APMAP: variants seen among roughly 807,000 people sequenced by gnomAD.
APMAP encodes adipocyte plasma membrane-associated protein.
A neutral mutation model predicts 43.6 loss-of-function variants in APMAP; 33 were observed. The ratio of observed to expected loss-of-function variants is 0.76; its 90% CI spans 0.57 to 1.01. The LOEUF (loss-of-function observed/expected upper bound fraction) is 1.01. APMAP is among the 50% of genes least tolerant of loss of function. The pLI, the probability that APMAP is intolerant of heterozygous loss-of-function variation, is 0.00. For missense variants in APMAP, 498 were observed against 540.7 expected, an observed-to-expected ratio of 0.92 and a Z score of 0.78; for synonymous variants, 224 against 216.7, an observed-to-expected ratio of 1.03 and a Z score of -0.30.
At chr20:24,964,910 C>T (rs1408688983) in intron 8 of APMAP, among the ~76,000 whole-genome samples, 1 of 152,170 alleles carries the variant, frequency 6.6e-6, no homozygotes, top group African/African-American at 2.4e-5. Flanking sequence ...AACTGCATTA[C>T]AGCTCAAAAA....
chr20:24,970,975 C>T (rs1477347794), intron 5 of APMAP, among the ~76,000 whole-genome samples: 1 of 152,158 alleles, frequency 6.6e-6, no homozygotes, highest in Non-Finnish European at 1.5e-5. Context: ...CAACGGACTC[C>T]TCCCCAGCAG....
chr20:24,968,432 G>C (rs1477028237), intron 8 of APMAP, among the ~76,000 whole-genome samples: 9 of 152,352 alleles, frequency 5.9e-5, no homozygotes, highest in African/African-American at 2.2e-4. Context: ...TGGTGACTAG[G>C]TTACAGGGGT....
At chr20:24,964,715 C>T (rs959691757) in intron 8 of APMAP, among the ~76,000 whole-genome samples, 1 of 152,070 alleles carries the variant, frequency 6.6e-6, no homozygotes, top group African/African-American at 2.4e-5. Context: ...GACACCTGGT[C>T]GGAAATTATG....
chr20:24,990,637 C>T (rs1010305102), intron 1 of APMAP, among the ~76,000 whole-genome samples: 2 of 152,150 alleles, frequency 1.3e-5, no homozygotes, highest in African/African-American at 4.8e-5. Context: ...ATTTAGATTC[C>T]TTTACTTCGC....
chr20:24,979,961 A>G (rs1304192724), intron 2 of APMAP, among the ~76,000 whole-genome samples: 1 of 152,044 alleles, frequency 6.6e-6, no homozygotes, highest in Admixed American at 6.5e-5. Context: ...CTGACCACCC[A>G]ACTAAATATC....
At chr20:24,983,070 T>C (rs568307792) in intron 2 of APMAP, among the ~76,000 whole-genome samples, 1 of 152,260 alleles carries the variant, frequency 6.6e-6, no homozygotes, top group Non-Finnish European at 1.5e-5. Context: ...AAAAGTTCAC[T>C]CAGCTACACA....
Position 24,963,129 on chromosome 20 carries a change from A to T in APMAP, c.*684T>A, listed in dbSNP as rs1174348030. The stretch of plus-strand genomic sequence containing the variant: ...AAGACGTTACTAAACGGACCCCTGC[A>T]GTAGGTCCCGAATTGCAGAATCATC... On this transcript the variant is annotated 3_prime_UTR_variant, in exon 9 of 9. Transcript: ENST00000217456. 6.6e-6 allele frequency: 1 copy of T among 152,496 alleles called. No homozygotes were observed. The highest frequency in any genetic ancestry group is 2.4e-5 in the African/African-American group (1 of 41,452). The allele number at this position is 152,496 out of a possible 1,614,324, so 9.4% of individuals were successfully genotyped here. A position where few individuals can be genotyped will look rare whatever the true frequency, so the allele number is the denominator to read the frequency against.
rs1600280619 is a variant in APMAP, at chr20:24,968,876, C to G, written c.1041+16G>C. On this transcript the variant is annotated intron_variant, in intron 8 of 8. Transcript: ENST00000217456. Reference sequence around the variant, plus strand: ...ATTTCCATTTTCTTTCTTGGAATAACAGTTTTCACAGTTACCTTAAAAATC... The same window carrying G: ...ATTTCCATTTTCTTTCTTGGAATAAGAGTTTTCACAGTTACCTTAAAAATC... 6.4e-7 allele frequency: 1 copy of G among 1,560,816 alleles called. No individual in the cohort carries two copies. The highest frequency in any genetic ancestry group is 2.3e-5 in the East Asian group (1 of 43,770).
At chr20:24,983,877 C>T (rs2088124957) in intron 2 of APMAP, 26 bp downstream of exon 2, 4 of 1,524,446 alleles carry the variant, frequency 2.6e-6, no homozygotes, top group Non-Finnish European at 2.7e-6. Context: ...CAAGCAACCC[C>T]TCCTGAGGAC....
In APMAP at chr20:24,978,749, A is replaced by ATC. The variant is rs2088074477; in HGVS notation, c.328+17_328+18insGA. ...AGACAGCCTGGAAGGCTCCCCCCCC[A>ATC]CCCAAGCTTAGACTTACCCCCAATA... On this transcript the variant is annotated intron_variant, in intron 3 of 8. Coordinates refer to ENST00000217456, the MANE Select transcript of APMAP (RefSeq NM_020531.3). 1 of 1,209,140 alleles carries ATC rather than the reference A, an allele frequency of 8.3e-7. No homozygotes were observed. Among genetic ancestry groups the ATC allele is most frequent in the African/African-American group, 2.1e-5 (1 of 48,144 alleles). 74.9% of individuals were successfully genotyped at this position (1,209,140 alleles called of 1,614,324 possible).
chr20:24,969,503 G>C (rs1189676595), intron 7 of APMAP, 23 bp downstream of exon 7: 10 of 1,592,726 alleles, frequency 6.3e-6, no homozygotes, highest in Non-Finnish European at 8.6e-6. Flanking sequence ...AGTAACTGAT[G>C]GCTCAGCTAA....
At chr20:24,983,546 A>T (rs1273608751) in intron 2 of APMAP, among the ~76,000 whole-genome samples, 1 of 152,228 alleles carries the variant, frequency 6.6e-6, no homozygotes, top group Non-Finnish European at 1.5e-5. Flanking sequence ...TTTTGTAGAA[A>T]ATCAGTTACT....
intron 1 of APMAP, among the ~76,000 whole-genome samples, chr20:24,990,973 C>T (rs1305893742): frequency 6.6e-6 from 1 of 152,210 alleles, no homozygotes; most frequent in African/African-American, 2.4e-5. Context: ...AAAAGGCACA[C>T]TGGAAAAGAT....
chr20:24,963,979 C>G lies in APMAP; in HGVS notation c.1085G>C (p.Ser362Thr). The G allele has an allele frequency of 6.2e-7, 1 of 1,614,236 alleles. No individual in the cohort carries two copies. The highest frequency in any genetic ancestry group is 8.5e-7 in the Non-Finnish European group (1 of 1,180,044). ...ETVMKFVPRY[S>T]LVLELSDSGA... ...GCTGTCGCTGAGTTCTAGGACGAGG[C>G]TGTACCGCGGCACAAACTTCATCAC... The change falls in exon 9 of 9, where the codon AGC (serine) becomes ACC (threonine). Residue 362 changes from serine (S) to threonine (T), a missense_variant. By Grantham distance (58) the Ser-to-Thr change is moderately conservative. Coordinates refer to ENST00000217456, the MANE Select transcript of APMAP (RefSeq NM_020531.3).
chr20:24,965,702 G>A (rs2087936872), intron 8 of APMAP, among the ~76,000 whole-genome samples: 1 of 152,262 alleles, frequency 6.6e-6, no homozygotes, highest in South Asian at 2.1e-4. Flanking sequence ...CACATGGTCA[G>A]GGAGGAAGGG....
In APMAP at chr20:24,968,971, G is replaced by C; in HGVS notation, c.962C>G (p.Ser321Trp). ...SSSGGYWVGM[S>W]TIRPNPGFSM... ...AAACCCAGGGTTAGGGCGGATGGTC[G>C]ACATGCCCACCCAGTACCCCCCAGA... Residue 321 changes from serine to tryptophan, a missense_variant, in exon 8 of 9, where the codon TCG (serine) becomes TGG (tryptophan). Ser to Trp is a radical substitution (Grantham distance 177, BLOSUM62 -3). Coordinates refer to ENST00000217456, the MANE Select transcript of APMAP (RefSeq NM_020531.3). 6.2e-7 allele frequency: 1 copy of C among 1,613,932 alleles called. No homozygotes were observed. The highest frequency in any genetic ancestry group is 8.5e-7 in the Non-Finnish European group (1 of 1,179,966).
Position 24,963,732 on chromosome 20 carries a change from C to T in APMAP, c.*81G>A. The T allele has an allele frequency of 7.0e-7, 1 of 1,422,844 alleles. No individual in the cohort carries two copies. Among genetic ancestry groups the T allele is most frequent in the Admixed American group, 1.8e-5 (1 of 56,582 alleles). The allele number at this position is 1,422,844 out of a possible 1,614,324, so 88.1% of individuals were successfully genotyped here. On this transcript the variant is annotated 3_prime_UTR_variant, in exon 9 of 9. Coordinates refer to ENST00000217456, the MANE Select transcript of APMAP (RefSeq NM_020531.3). ...GTGGACACTTGAACCACGACTGTGT[C>T]CACAGCTCCTCCTGGACCAGGCCTG...
In APMAP at chr20:24,972,569, G is replaced by A. The variant is rs577622357; in HGVS notation, c.422-993C>T. On this transcript the variant is annotated intron_variant, in intron 4 of 8. Coordinates refer to ENST00000217456, the MANE Select transcript of APMAP (RefSeq NM_020531.3). The stretch of plus-strand genomic sequence containing the variant: ...TGTTCACTGTGGGGTCCTCACTGAA[G>A]GTGCTCACTACAGGTGCTTATTGCA... 4.0e-5 allele frequency among the ~76,000 whole-genome samples: 6 copies of A among 151,280 alleles called. No homozygotes were observed. In the East Asian group the frequency reaches 1.2e-3, roughly 30 times the overall value.
At chr20:24,978,742 C>CCA (rs773921349) in intron 3 of APMAP, 25 bp downstream of exon 3, 5 of 1,206,740 alleles carry the variant, frequency 4.1e-6, no homozygotes, top group African/African-American at 1.7e-5. Context: ...TGGAAGGCTC[C>CCA]CCCCCCACCC....
Sources: allele counts gnomAD v4.1 joint callset (sites outside exome capture counted in the v4.1 genomes callset), GRCh38; gene constraint gnomAD v4.1.1; transcripts MANE v1.5; gene names NCBI Gene and HGNC (gene_info 2026-07-23, HGNC 2026-07-21).